PDE11A: variants seen among roughly 807,000 people sequenced by gnomAD.
The protein encoded by PDE11A is phosphodiesterase 11A, also known as dual 3',5'-cyclic-AMP and -GMP phosphodiesterase 11A.
A neutral mutation model predicts 100.5 loss-of-function variants in PDE11A; 100 were observed. The observed-to-expected ratio is 1.00, with a 90% CI of 0.85 to 1.18. The LOEUF (loss-of-function observed/expected upper bound fraction) is 1.18. Among genes scored for constraint, PDE11A ranks in the 50% most tolerant of loss-of-function variants. The probability of loss-of-function intolerance (pLI) is 0.00; values close to 1 mark genes in which losing one functional copy is unlikely to be tolerated. For synonymous variants in PDE11A, 381 were observed against 420.8 expected, an observed-to-expected ratio of 0.91 and a Z score of 1.16; for missense variants, 1,141 against 1,152.6, an observed-to-expected ratio of 0.99 and a Z score of 0.15.
Position 177,790,559 on chromosome 2 carries a change from G to A in PDE11A, c.1738-21186C>T, listed in dbSNP as rs373330484. 1.2e-4 allele frequency among the ~76,000 whole-genome samples: 19 copies of A among 152,092 alleles called. No individual in the cohort carries two copies. The South Asian group carries it at 3.1e-3, about 25-fold the overall frequency. ...CAAATGGGATCTAATTAAACTAAAG[G>A]GCTTCTGCACAGCAAAAGAAACTAC... On this transcript the variant is annotated intron_variant, in intron 9 of 19. Coordinates refer to ENST00000286063, the MANE Select transcript of PDE11A (RefSeq NM_016953.4).
At chr2:177,712,816 T>C (rs1219508932) in intron 12 of PDE11A, among the ~76,000 whole-genome samples, 1 of 152,188 alleles carries the variant, frequency 6.6e-6, no homozygotes, top group Non-Finnish European at 1.5e-5. Flanking sequence ...CTTATTAAAA[T>C]CTTTATCAGA....
chr2:177,776,059 T>C (rs1168099612), intron 9 of PDE11A, among the ~76,000 whole-genome samples: 1 of 152,194 alleles, frequency 6.6e-6, no homozygotes, highest in Admixed American at 6.5e-5. Flanking sequence ...CCATTACCCA[T>C]ATGTCTCACT....
intron 9 of PDE11A, among the ~76,000 whole-genome samples, chr2:177,769,967 T>A (rs2082290314): frequency 6.7e-6 from 1 of 149,220 alleles, no homozygotes; most frequent in African/African-American, 2.5e-5. Context: ...TCCTGTGAAA[T>A]GCTCTACAAG....
At chr2:177,939,247 T>C (rs1316460538) in intron 2 of PDE11A, among the ~76,000 whole-genome samples, 2 of 151,782 alleles carry the variant, frequency 1.3e-5, no homozygotes, top group Non-Finnish European at 2.9e-5. Context: ...CAAGCAGACA[T>C]TATATATCTC....
chr2:177,763,830 C>A (rs1187759093), intron 10 of PDE11A, among the ~76,000 whole-genome samples: 1 of 152,134 alleles, frequency 6.6e-6, no homozygotes, highest in Non-Finnish European at 1.5e-5. Flanking sequence ...GCGTGTAGTG[C>A]CTTTGTGGCA....
At chr2:178,019,200 A>T (rs2105831397) in intron 1 of PDE11A, among the ~76,000 whole-genome samples, 1 of 152,318 alleles carries the variant, frequency 6.6e-6, no homozygotes, top group Middle Eastern at 3.4e-3. Context: ...TCCTTGGGAA[A>T]CATTAAAATT....
Position 178,072,495 on chromosome 2 carries a change from A to G in PDE11A, c.-58T>C. 6.2e-7 allele frequency: 1 copy of G among 1,604,918 alleles called. No individual in the cohort carries two copies. The highest frequency in any genetic ancestry group is 8.5e-7 in the Non-Finnish European group (1 of 1,178,600). On this transcript the variant is annotated 5_prime_UTR_variant, in exon 1 of 20. Transcript: ENST00000286063. ...GTGAACCAAATGTTTTCCTGCCCCG[A>G]GGCCTCTAGCTGTTCCTGCACATGT...
At chr2:178,078,102 T>G (rs1409165644) in intron 2 of PDE11A, among the ~76,000 whole-genome samples, 2 of 152,024 alleles carry the variant, frequency 1.3e-5, no homozygotes, top group Non-Finnish European at 2.9e-5. Context: ...TCCATCTCTC[T>G]TCTCACCTCC....
chr2:177,864,201 T>C (rs1445868208), intron 5 of PDE11A, among the ~76,000 whole-genome samples: 2 of 151,942 alleles, frequency 1.3e-5, no homozygotes, highest in South Asian at 2.1e-4. Flanking sequence ...TAGTAGTCAG[T>C]GGGAAGAAAA....
At chr2:177,818,930 G>A (rs753058937) in intron 7 of PDE11A, among the ~76,000 whole-genome samples, 1 of 149,076 alleles carries the variant, frequency 6.7e-6, no homozygotes, top group Non-Finnish European at 1.5e-5. Flanking sequence ...CCACCAGGGA[G>A]GTAAGTCATC....
chr2:178,027,473 T>G (rs1015952361), intron 1 of PDE11A, among the ~76,000 whole-genome samples: 3 of 152,164 alleles, frequency 2.0e-5, no homozygotes, highest in African/African-American at 7.2e-5. Flanking sequence ...GAATTGTCAG[T>G]AAAATAGATA....
intron 2 of PDE11A, among the ~76,000 whole-genome samples, chr2:177,927,301 T>G (rs144369941): frequency 4.4e-3 from 673 of 152,350 alleles, no homozygotes; most frequent in Non-Finnish European, 5.5e-3. Context: ...TTCAAAAAAT[T>G]TGCCTTAATG....
chr2:178,024,816 C>G (rs1288272514), intron 1 of PDE11A, among the ~76,000 whole-genome samples: 1 of 152,206 alleles, frequency 6.6e-6, no homozygotes, highest in Admixed American at 6.5e-5. Flanking sequence ...ATAAAATCAT[C>G]TCCTTACACT....
chr2:177,677,260 A>G (rs1433452978), intron 16 of PDE11A, among the ~76,000 whole-genome samples: 4 of 152,206 alleles, frequency 2.6e-5, no homozygotes, highest in African/African-American at 9.6e-5. Context: ...TGACTGACTC[A>G]GTCTCTATAT....
chr2:177,956,944 C>G (rs374448686), intron 2 of PDE11A, among the ~76,000 whole-genome samples: 1 of 152,058 alleles, frequency 6.6e-6, no homozygotes, highest in East Asian at 1.9e-4. Context: ...AGAGATATAC[C>G]TAATGTAAAT....
intron 12 of PDE11A, among the ~76,000 whole-genome samples, chr2:177,713,950 A>C (rs1483980104): frequency 1.4e-5 from 2 of 147,470 alleles, no homozygotes; most frequent in African/African-American, 5.0e-5. Flanking sequence ...TTTTCACCTA[A>C]ATTCGTAGTT....
chr2:177,849,317 A>T (rs1558970944), intron 5 of PDE11A, among the ~76,000 whole-genome samples: 1 of 152,196 alleles, frequency 6.6e-6, no homozygotes, highest in Non-Finnish European at 1.5e-5. Context: ...ATGTGGAAGG[A>T]TGTTGGTCTA....
intron 19 of PDE11A, among the ~76,000 whole-genome samples, chr2:177,651,413 C>T (rs1042661943): frequency 5.3e-5 from 8 of 152,158 alleles, no homozygotes; most frequent in Admixed American, 2.0e-4. Flanking sequence ...TCCATTTGCT[C>T]CAAGAAGAAA....
At chr2:178,023,585 C>T (rs1574348888) in intron 1 of PDE11A, among the ~76,000 whole-genome samples, 1 of 152,274 alleles carries the variant, frequency 6.6e-6, no homozygotes, top group South Asian at 2.1e-4. Context: ...AATGTTTAAT[C>T]TACAAGGGTG....
Sources: gnomAD v4.1 joint callset for allele counts (sites outside exome capture counted in the v4.1 genomes callset) on GRCh38, gnomAD v4.1.1 for gene constraint, MANE v1.5 for transcripts, NCBI Gene and HGNC (gene_info 2026-07-23, HGNC 2026-07-21) for gene names.